GON4L: variants seen among roughly 807,000 people sequenced by gnomAD.
The protein encoded by GON4L is gon-4 like.
Under a neutral mutation model 211.8 loss-of-function variants are expected in GON4L, and 87 were observed. The ratio of observed to expected loss-of-function variants is 0.41; its 90% CI spans 0.35 to 0.49. The LOEUF (loss-of-function observed/expected upper bound fraction) is 0.49. GON4L is among the 20% of genes least tolerant of loss of function. GON4L has a pLI of 0.15. For synonymous variants in GON4L, 875 were observed against 962.6 expected (o/e 0.91, Z 1.68); for missense variants, 2,155 against 2,659.5 (o/e 0.81, Z 4.17).
In GON4L at chr1:155,837,614, ATC is replaced by A. The variant is rs147315633; in HGVS notation, c.506-10588_506-10587del. 1.8e-4 allele frequency among the ~76,000 whole-genome samples: 27 copies of A among 147,628 alleles called. No homozygotes were observed. The South Asian group carries it at 3.0e-3, about 16-fold the overall frequency. On this transcript the variant is annotated intron_variant, in intron 2 of 31. Coordinates refer to ENST00000368331, the MANE Select transcript of GON4L (RefSeq NM_001282860.2). ...ATCAATGAGTGTTCTGGCTTGCTGT[ATC>A]TCTCTCTCTCTCTCTCCCCCACCAG...
intron 24 of GON4L, among the ~76,000 whole-genome samples, chr1:155,758,368 C>T (rs370821000): frequency 1.3e-5 from 2 of 152,338 alleles, no homozygotes; most frequent in South Asian, 4.1e-4. Context: ...TTTCAGGCTG[C>T]ACAAGGTGGC....
At chr1:155,776,549 C>CT (rs60525991) in intron 15 of GON4L, 68 bp from the exon 16 acceptor site, 296 of 781,404 alleles carry the variant, frequency 3.8e-4, no homozygotes, top group African/African-American at 1.5e-3. Context: ...CCAGAGAGAT[C>CT]TTTTTTTTTT....
intron 2 of GON4L, among the ~76,000 whole-genome samples, chr1:155,827,987 A>G (rs1351732255): frequency 6.6e-6 from 1 of 152,064 alleles, no homozygotes; most frequent in Non-Finnish European, 1.5e-5. Flanking sequence ...CCTTGTCTCT[A>G]CAAAAATATA....
chr1:155,851,588 C>A (rs1035524787), intron 2 of GON4L, among the ~76,000 whole-genome samples: 1 of 151,574 alleles, frequency 6.6e-6, no homozygotes, highest in Non-Finnish European at 1.5e-5. Flanking sequence ...CGGTGGCGGG[C>A]GCCTGTAATA....
In GON4L at chr1:155,760,436, TCA is replaced by T; in HGVS notation, c.5109+6_5109+7del. 1.9e-6 allele frequency: 3 copies of T among 1,575,366 alleles called. No homozygotes were observed. The highest frequency in any genetic ancestry group is 1.7e-5 in the Admixed American group (1 of 57,754). Reference sequence around the variant, plus strand: ...GTCCCAGTGTACTTTTTTTCCCCATTCACTTACTAATCCACAGGCCAGAGCTT... The same window carrying T: ...GTCCCAGTGTACTTTTTTTCCCCATTCTTACTAATCCACAGGCCAGAGCTT... On this transcript the variant is annotated splice_donor_region_variant and intron_variant, in intron 24 of 31. Coordinates refer to ENST00000368331, the MANE Select transcript of GON4L (RefSeq NM_001282860.2).
At chr1:155,831,815 T>C (rs969222222) in intron 2 of GON4L, among the ~76,000 whole-genome samples, 10 of 152,020 alleles carry the variant, frequency 6.6e-5, no homozygotes, top group Non-Finnish European at 1.2e-4. Flanking sequence ...GCCCAGGAGT[T>C]AGAAGCTGCA....
At chr1:155,832,802 A>G (rs1338250819) in intron 2 of GON4L, 1 of 152,204 alleles carries the variant, frequency 6.6e-6, no homozygotes, top group African/African-American at 2.4e-5. Context: ...AATGTTACTT[A>G]AAAGAAAGTA....
At chr1:155,748,099 C>T (rs1333919145), downstream of GON4L, 2 of 1,608,376 alleles carry the variant, frequency 1.2e-6, no homozygotes, top group Non-Finnish European at 1.7e-6. Context: ...CCTGAGCCAC[C>T]TGTCAACTTC....
chr1:155,786,475 G>A (rs1211374667), intron 12 of GON4L, among the ~76,000 whole-genome samples: 3 of 152,018 alleles, frequency 2.0e-5, no homozygotes, highest in Non-Finnish European at 4.4e-5. Flanking sequence ...AGGCTGCAGT[G>A]TGCCAAGATC....
At position 155,758,053 on chromosome 1, in the gene GON4L, G is replaced by C; in HGVS notation, c.5110-19C>G. ...CCTCAAACTACCAGAGTGGAAAGTG[G>C]GCAAAAGAGGAGTCATGATACAGCT... On this transcript the variant is annotated intron_variant, in intron 24 of 31. Transcript: ENST00000368331. 1 of 332,138 alleles carries C rather than the reference G, an allele frequency of 3.0e-6. No homozygotes were observed. Among genetic ancestry groups the C allele is most frequent in the Non-Finnish European group, 5.4e-6 (1 of 186,280 alleles). 20.6% of individuals were successfully genotyped at this position (332,138 alleles called of 1,614,324 possible).
Position 155,773,177 on chromosome 1 carries a change from G to A in GON4L, c.2384C>T (p.Ala795Val), listed in dbSNP as rs1376613471. The A allele has an allele frequency of 1.9e-6, 3 of 1,613,938 alleles. No homozygotes were observed. The highest frequency in any genetic ancestry group is 1.7e-6 in the Non-Finnish European group (2 of 1,179,978). The change falls in exon 18 of 32, where the codon GCT becomes GTT. Residue 795 changes from alanine to valine, a missense_variant. By Grantham distance (64) the Ala-to-Val change is moderately conservative (BLOSUM62 0). Around this residue, in one of 6 missense-constraint regions of GON4L, gnomAD observed 551 missense variants for 854.0 expected, o/e 0.65. Transcript: ENST00000368331. ...AACCTTGCTTGTGGCCAGAATCCAA[G>A]CCACTTGCTTTGGCAAACAGGGAAA... ...NEFPCLPKQV[A>V]WILATSKVFM...
intron 6 of GON4L, among the ~76,000 whole-genome samples, chr1:155,820,285 G>A (rs1668617808): frequency 6.6e-6 from 1 of 152,062 alleles, no homozygotes; most frequent in Admixed American, 6.6e-5. Context: ...ACTGGCCCCT[G>A]GAACACACTA....
Position 155,766,259 on chromosome 1 carries a change from G to A in GON4L, c.3214C>T (p.Leu1072=). 2 of 1,614,184 alleles carry A rather than the reference G, an allele frequency of 1.2e-6. No individual in the cohort carries two copies. Among genetic ancestry groups the A allele is most frequent in the Non-Finnish European group, 1.7e-6 (2 of 1,180,038 alleles). Residue 1072 remains leucine (L), a synonymous_variant, in exon 21 of 32, where the codon CTG becomes TTG. Coordinates refer to ENST00000368331, the MANE Select transcript of GON4L (RefSeq NM_001282860.2). ...GGESFESPAA[L]PAVPPEARTS... ...CTGGCCTCAGGGGGCACAGCAGGCA[G>A]TGCTGCAGGAGACTCAAAACTCTCA...
At position 155,774,762 on chromosome 1, in the gene GON4L, T is replaced by C. The variant is rs945073623; in HGVS notation, c.2350+240A>G. On this transcript the variant is annotated intron_variant, in intron 17 of 31. Transcript: ENST00000368331. Reference sequence around the variant, plus strand: ...AATTCTTAGCACTGAGCCTCAGATCTCTACCTCCCATATTCCTATACTGTC... The same window carrying C: ...AATTCTTAGCACTGAGCCTCAGATCCCTACCTCCCATATTCCTATACTGTC... 4.0e-5 allele frequency: 24 copies of C among 601,974 alleles called. No individual in the cohort carries two copies. The African/African-American group carries it at 4.3e-4, about 11-fold the overall frequency. 37.3% of individuals were successfully genotyped at this position (601,974 alleles called of 1,614,324 possible).
chr1:155,797,938 A>C (rs1344683772), intron 11 of GON4L, among the ~76,000 whole-genome samples: 1 of 151,266 alleles, frequency 6.6e-6, no homozygotes, highest in African/African-American at 2.4e-5. Flanking sequence ...AAAATTAGCC[A>C]AGTGTCGTGG....
intron 6 of GON4L, among the ~76,000 whole-genome samples, chr1:155,819,473 C>T (rs1668551345): frequency 6.6e-6 from 1 of 151,712 alleles, no homozygotes; most frequent in Non-Finnish European, 1.5e-5. Context: ...CCAGGCTGGT[C>T]TTGAACTCCT....
chr1:155,791,559 T>C (rs1056007427), intron 12 of GON4L, among the ~76,000 whole-genome samples: 7 of 151,732 alleles, frequency 4.6e-5, no homozygotes, highest in Non-Finnish European at 5.9e-5. Flanking sequence ...CTTTTTTTTT[T>C]CTTAACAACA....
At chr1:155,809,076 A>G (rs183793413) in intron 10 of GON4L, among the ~76,000 whole-genome samples, 16 of 152,136 alleles carry the variant, frequency 1.1e-4, no homozygotes, top group African/African-American at 3.9e-4. Flanking sequence ...CCACACCTAT[A>G]TAATTTTTCT....
At chr1:155,847,645 T>C (rs1671374648) in intron 2 of GON4L, among the ~76,000 whole-genome samples, 2 of 152,084 alleles carry the variant, frequency 1.3e-5, no homozygotes, top group South Asian at 4.2e-4. Flanking sequence ...GTGGTTGCAG[T>C]GAACTGAGAT....
Sources: gnomAD v4.1 joint callset for allele counts (sites outside exome capture counted in the v4.1 genomes callset) on GRCh38, gnomAD v4.1.1 for gene constraint, gnomAD v4.1.1 regional missense constraint, MANE v1.5 for transcripts, NCBI Gene and HGNC (gene_info 2026-07-23, HGNC 2026-07-21) for gene names.